Variants in MBTPS1 observed in about 807,000 individuals in gnomAD.
The protein encoded by MBTPS1 is membrane-bound transcription factor site-1 protease.
In MBTPS1, 94 loss-of-function variants were observed where a neutral mutation model predicts 127.8. That is an observed-to-expected ratio of 0.74 (90% confidence interval 0.62 to 0.87). The LOEUF (loss-of-function observed/expected upper bound fraction) is 0.87, where lower values mean the gene tolerates loss of function less well. Among genes scored for constraint, MBTPS1 ranks in the 40% least tolerant of loss-of-function variants. The pLI is 0.00. For missense variants in MBTPS1, 1,636 were observed against 1,353.2 expected (o/e 1.21, Z -3.28); for synonymous variants, 632 against 509.4 (o/e 1.24, Z -3.24).
rs766388700 is a variant in MBTPS1, at chr16:84,099,082, T to C, written c.392A>G (p.Lys131Arg). The change falls in exon 3 of 23, where the codon AAA becomes AGA. Residue 131 changes from lysine (K) to arginine (R), a missense_variant. Lys to Arg is a conservative substitution (Grantham distance 26). Coordinates refer to ENST00000343411, the MANE Select transcript of MBTPS1 (RefSeq NM_003791.4). ...AGCATACTTGAGGGAACGAAAGACT[T>C]TTCGTTGGGGCGTGACCCGTTTGAT... is the stretch of plus-strand genomic sequence containing the variant. ...PNIKRVTPQR[K>R]VFRSLKYAES... The C allele has an allele frequency of 8.1e-6, 13 of 1,614,046 alleles. No individual in the cohort carries two copies. In the Admixed American group the frequency reaches 2.2e-4, roughly 27 times the overall value.
intron 12 of MBTPS1, among the ~76,000 whole-genome samples, chr16:84,074,170 G>A (rs1057509539): frequency 6.6e-6 from 1 of 151,870 alleles, no homozygotes. Flanking sequence ...GACTTATTCT[G>A]TAACAGACTT....
intron 20 of MBTPS1, 122 bp downstream of exon 20, chr16:84,060,560 A>C (rs2085594489): frequency 1.7e-6 from 2 of 1,178,228 alleles, no homozygotes; most frequent in Non-Finnish European, 2.4e-6. Context: ...GCCATTACGA[A>C]AACCACTCAG....
chr16:84,097,687 T>C (rs986298955), intron 3 of MBTPS1, among the ~76,000 whole-genome samples: 3 of 152,250 alleles, frequency 2.0e-5, no homozygotes, highest in Non-Finnish European at 4.4e-5. Context: ...GTATCAGGTT[T>C]GATTGGCTTT....
At chr16:84,113,891 T>C (rs574208337) in intron 1 of MBTPS1, among the ~76,000 whole-genome samples, 1 of 152,266 alleles carries the variant, frequency 6.6e-6, no homozygotes, top group African/African-American at 2.4e-5. Flanking sequence ...TATATTACCA[T>C]TGTTTAACAG....
In MBTPS1 at chr16:84,103,256, A is replaced by AT. The variant is rs1345813573; in HGVS notation, c.-324-1150dup. 6.5e-3 allele frequency among the ~76,000 whole-genome samples: 899 copies of AT among 137,524 alleles called. 5 individuals are homozygous for AT. The highest frequency in any genetic ancestry group is 0.021 in the African/African-American group (770 of 36,184). 90.2% of individuals were successfully genotyped at this position (137,524 alleles called of 152,430 possible). On this transcript the variant is annotated intron_variant, in intron 1 of 22. Transcript: ENST00000343411. ...TACTTAGGATTTTATTATTATTATTATTTTTTTTTTTTTTTTGAGGAAGGG... is the reference window on the plus strand; with the variant it reads ...TACTTAGGATTTTATTATTATTATTATTTTTTTTTTTTTTTTTGAGGAAGGG...
chr16:84,065,644 A>G lies in MBTPS1; in HGVS notation c.2431+46T>C, dbSNP rs758756357. 1.2e-4 allele frequency: 148 copies of G among 1,218,792 alleles called. 2 individuals carry two copies. In the South Asian group the frequency reaches 1.7e-3, roughly 14 times the overall value. The allele number at this position is 1,218,792 out of a possible 1,614,324, so 75.5% of individuals were successfully genotyped here. ...CAGAGAGAGAAGCGGGGGAAAAGGG[A>G]GCGAGAGAAAGAAGAAGCAAAAGGC... On this transcript the variant is annotated intron_variant, in intron 18 of 22. Coordinates refer to ENST00000343411, the MANE Select transcript of MBTPS1 (RefSeq NM_003791.4).
chr16:84,108,037 C>T (rs1301937532), intron 1 of MBTPS1, among the ~76,000 whole-genome samples: 1 of 151,764 alleles, frequency 6.6e-6, no homozygotes, highest in Non-Finnish European at 1.5e-5. Flanking sequence ...CCCACAGACT[C>T]ACTAGACAAG....
intron 1 of MBTPS1, 59 bp downstream of exon 1, chr16:84,116,675 GC>G (rs1457892737): frequency 1.3e-4 from 19 of 151,950 alleles, no homozygotes; most frequent in African/African-American, 4.6e-4. Flanking sequence ...ACCTGAGCGA[GC>G]GGGCCGCCGC....
At chr16:84,077,464 A>G (rs1159802026) in intron 11 of MBTPS1, among the ~76,000 whole-genome samples, 2 of 152,206 alleles carry the variant, frequency 1.3e-5, no homozygotes, top group East Asian at 3.8e-4. Flanking sequence ...TTAGTACATA[A>G]TAAAGACAGT....
chr16:84,105,216 A>G (rs1051286059), intron 1 of MBTPS1, among the ~76,000 whole-genome samples: 3 of 152,216 alleles, frequency 2.0e-5, no homozygotes, highest in African/African-American at 7.2e-5. Context: ...AATTATTATC[A>G]TAAGACATTT....
intron 21 of MBTPS1, 74 bp downstream of exon 21, chr16:84,059,228 C>T (rs972281677): frequency 6.5e-7 from 1 of 1,531,762 alleles, no homozygotes; most frequent in East Asian, 2.3e-5. Context: ...AGTAAAATTC[C>T]ATTCTCTCCT....
At chr16:84,097,860 G>GTGTT (rs2086198539) in intron 3 of MBTPS1, among the ~76,000 whole-genome samples, 1 of 151,540 alleles carries the variant, frequency 6.6e-6, no homozygotes, top group Non-Finnish European at 1.5e-5. Flanking sequence ...GTGTGTGTGT[G>GTGTT]TGTGTGTGTG....
rs200797396 is a variant in MBTPS1 at position 84,101,584 on chromosome 16, G to C, written c.163+37C>G. 13 of 1,533,054 alleles carry C rather than the reference G, an allele frequency of 8.5e-6. No homozygotes were observed. The East Asian group carries it at 2.8e-4, about 33-fold the overall frequency. The allele number at this position is 1,533,054 out of a possible 1,614,324, so 95.0% of individuals were successfully genotyped here. A position where few individuals can be genotyped will look rare whatever the true frequency, so the allele number is the denominator to read the frequency against. The stretch of plus-strand genomic sequence containing the variant: ...ATATTAAGTAAGCTTTAAAAAAATA[G>C]GATGGGAGTTCCTAATACTTAAGAC... On this transcript the variant is annotated intron_variant, in intron 2 of 22. Coordinates refer to ENST00000343411, the MANE Select transcript of MBTPS1 (RefSeq NM_003791.4).
chr16:84,115,056 G>A (rs2086453450), intron 1 of MBTPS1, among the ~76,000 whole-genome samples: 1 of 151,920 alleles, frequency 6.6e-6, no homozygotes, highest in Non-Finnish European at 1.5e-5. Flanking sequence ...AGCCTCCCGA[G>A]TAGCTGGGAT....
At chr16:84,114,078 C>A (rs939823994) in intron 1 of MBTPS1, among the ~76,000 whole-genome samples, 1 of 151,872 alleles carries the variant, frequency 6.6e-6, no homozygotes, top group Non-Finnish European at 1.5e-5. Context: ...GATTCTCCTG[C>A]CTCAGCCTCC....
Position 84,069,922 on chromosome 16 carries a change from A to C in MBTPS1, c.1899T>G (p.Tyr633Ter). 1 of 1,614,152 alleles carries C rather than the reference A, an allele frequency of 6.2e-7. No homozygotes were observed. The highest frequency in any genetic ancestry group is 8.5e-7 in the Non-Finnish European group (1 of 1,180,028). Reference sequence around the variant, plus strand: ...TATCCCTGGGGAAATAGCCAGGTGGATAGCGGAGGTTGTGGTACTGATCCC... The same window carrying C: ...TATCCCTGGGGAAATAGCCAGGTGGCTAGCGGAGGTTGTGGTACTGATCCC... ...VLWDQYHNLR[Y>*]PPGYFPRDNL... The change falls in exon 14 of 23, where the codon TAT (tyrosine) becomes TAG (stop). Residue 633 changes from tyrosine to a stop codon, truncating the protein, a stop_gained. Transcript: ENST00000343411. LOFTEE classifies it high-confidence loss of function.
At chr16:84,055,284 G>A (rs1325299150) in intron 22 of MBTPS1, among the ~76,000 whole-genome samples, 1 of 152,190 alleles carries the variant, frequency 6.6e-6, no homozygotes, top group Non-Finnish European at 1.5e-5. Flanking sequence ...GGTGTCCAGG[G>A]CTGGACTGCA....
chr16:84,081,552 A>T (rs2085939997), intron 11 of MBTPS1, 195 bp downstream of exon 11: 1 of 393,604 alleles, frequency 2.5e-6, no homozygotes, highest in Non-Finnish European at 4.5e-6. Flanking sequence ...TAAAGATCAC[A>T]TCAGTAAGCG....
In MBTPS1 at chr16:84,093,203, G is replaced by A. The variant is rs1013215925; in HGVS notation, c.831C>T (p.Val277=). The A allele has an allele frequency of 1.6e-5, 25 of 1,611,472 alleles. No homozygotes were observed. The African/African-American group carries it at 3.2e-4, about 21-fold the overall frequency. Residue 277 remains valine, a synonymous_variant, in exon 6 of 23, where the codon GTC becomes GTT. Transcript: ENST00000343411. The part of the protein sequence containing the change: ...APDAELHIFR[V]FTNNQVSYTS... ...AAACACCTACCTGATTATTGGTAAA[G>A]ACCCTGAAAATGTGAAGTTCTGCAT...
Sources: gnomAD v4.1 joint callset for allele counts (sites outside exome capture counted in the v4.1 genomes callset) on GRCh38, gnomAD v4.1.1 for gene constraint, MANE v1.5 for transcripts, NCBI Gene and HGNC (gene_info 2026-07-23, HGNC 2026-07-21) for gene names.